NDEL1: variants seen among roughly 807,000 people sequenced by gnomAD.
NDEL1 encodes the protein nuclear distribution protein nudE-like 1.
In NDEL1, 9 loss-of-function variants were observed where a neutral mutation model predicts 45.7. The observed-to-expected ratio is 0.20, with a 90% CI of 0.12 to 0.34. The LOEUF is 0.34. Ranked by LOEUF, NDEL1 falls within the 10% of genes least tolerant of loss-of-function variation. NDEL1 has a pLI of 1.00. For missense variants in NDEL1, 306 were observed against 406.2 expected, an observed-to-expected ratio of 0.75 and a Z score of 2.12; for synonymous variants, 133 against 158.6, an observed-to-expected ratio of 0.84 and a Z score of 1.21.
chr17:8,471,272 TC>T (rs1373351451), downstream of NDEL1, among the ~76,000 whole-genome samples: 5 of 152,368 alleles, frequency 3.3e-5, no homozygotes, highest in East Asian at 7.7e-4. Context: ...TGCCTCAGCC[TC>T]CCAAGTAGCT....
At chr17:8,472,932 ATCT>A (rs1300679123), downstream of NDEL1, among the ~76,000 whole-genome samples, 2 of 152,148 alleles carry the variant, frequency 1.3e-5, no homozygotes, top group East Asian at 1.9e-4. Context: ...GACCAGCTTG[ATCT>A]TCTGATACAC....
At chr17:8,440,836 A>G (rs560517288) in intron 1 of NDEL1, among the ~76,000 whole-genome samples, 1 of 152,354 alleles carries the variant, frequency 6.6e-6, no homozygotes, top group East Asian at 1.9e-4. Flanking sequence ...AACTGCTAGT[A>G]TGTCCTCTGA....
intron 3 of NDEL1, 89 bp from the exon 4 acceptor site, chr17:8,446,665 T>A: frequency 7.9e-7 from 1 of 1,265,576 alleles, no homozygotes; most frequent in African/African-American, 2.7e-5. Flanking sequence ...ATTCCTTGGG[T>A]TCCCCCCCAC....
intron 1 of NDEL1, among the ~76,000 whole-genome samples, chr17:8,427,271 AAAT>A (rs1908860029): frequency 6.6e-6 from 1 of 152,176 alleles, no homozygotes; most frequent in Non-Finnish European, 1.5e-5. Flanking sequence ...TAAAGACAAC[AAAT>A]AGAACCTTCT....
rs757219159 is a variant in NDEL1 at position 8,467,170 on chromosome 17, A to G, written c.*147A>G. Reference sequence around the variant, plus strand: ...GGGCAGGCTGCATGCAGTGGCGGCTACTGGGCCCTGCCCAGCCCCGGAACT... The same window carrying G: ...GGGCAGGCTGCATGCAGTGGCGGCTGCTGGGCCCTGCCCAGCCCCGGAACT... On this transcript the variant is annotated 3_prime_UTR_variant, in exon 9 of 9. Transcript: ENST00000334527. The surrounding 1 kb of genome is among the most constrained non-coding windows in gnomAD (Gnocchi z 6.3). 7.9e-5 allele frequency: 58 copies of G among 732,356 alleles called. 1 individual carries two copies. The East Asian group carries it at 1.3e-3, about 17-fold the overall frequency. The allele number at this position is 732,356 out of a possible 1,614,324, so 45.4% of individuals were successfully genotyped here.
chr17:8,440,283 C>T (rs1430086859), intron 1 of NDEL1, among the ~76,000 whole-genome samples: 4 of 151,910 alleles, frequency 2.6e-5, no homozygotes, highest in South Asian at 2.1e-4. Context: ...TTTGGGAGGC[C>T]GAGGAGGGCA....
At chr17:8,470,802 C>T (rs887709786), downstream of NDEL1, among the ~76,000 whole-genome samples, 2 of 152,184 alleles carry the variant, frequency 1.3e-5, no homozygotes, top group African/African-American at 2.4e-5. The surrounding 1 kb of genome is among the most constrained non-coding windows in gnomAD (Gnocchi z 4.2). Flanking sequence ...AAATGACGAG[C>T]GGCGGGGCCG....
intron 1 of NDEL1, among the ~76,000 whole-genome samples, chr17:8,438,925 G>T (rs1264688055): frequency 1.4e-5 from 2 of 146,484 alleles, no homozygotes; most frequent in Non-Finnish European, 3.0e-5. Flanking sequence ...AAAGTAAGAA[G>T]TTTTTGCTTT....
In NDEL1 at chr17:8,467,856, CG is replaced by C. The variant is rs1264625479; in HGVS notation, c.*835del. On this transcript the variant is annotated 3_prime_UTR_variant, in exon 9 of 9. Coordinates refer to ENST00000334527, the MANE Select transcript of NDEL1 (RefSeq NM_030808.5). This position sits in a 1 kb window ranked among gnomAD's most constrained non-coding sequence, Gnocchi z 6.3. ...GTGAGTGGCTGGTTCCAGGGTGGGC[CG>C]GTGCCAGCTCCGGGGTGGACTGAAC... is the stretch of plus-strand genomic sequence containing the variant. 6.5e-6 allele frequency: 1 copy of C among 152,726 alleles called. No homozygotes were observed. The highest frequency in any genetic ancestry group is 6.5e-5 in the Admixed American group (1 of 15,290). 9.5% of individuals were successfully genotyped at this position (152,726 alleles called of 1,614,324 possible). A position where few individuals can be genotyped will look rare whatever the true frequency, so the allele number is the denominator to read the frequency against.
upstream of NDEL1, chr17:8,435,712 C>T (rs879286222): frequency 2.9e-4 from 96 of 332,150 alleles, 1 homozygote; most frequent in Admixed American, 3.8e-3. Flanking sequence ...AGCGCCTGCG[C>T]AAGAGGACGC....
intron 1 of NDEL1, among the ~76,000 whole-genome samples, chr17:8,443,582 A>G (rs1404960885): frequency 6.6e-6 from 1 of 151,916 alleles, no homozygotes; most frequent in African/African-American, 2.4e-5. Context: ...ATCAGTTGGG[A>G]GTTGTAGGTA....
intron 1 of NDEL1, among the ~76,000 whole-genome samples, chr17:8,442,622 A>G (rs895021342): frequency 7.3e-5 from 11 of 151,060 alleles, no homozygotes; most frequent in East Asian, 2.0e-4. Flanking sequence ...TCAAATATTT[A>G]TTGAACTTCC....
At chr17:8,428,335 T>G (rs1307385977) in intron 1 of NDEL1, among the ~76,000 whole-genome samples, 6 of 87,974 alleles carry the variant, frequency 6.8e-5, no homozygotes, top group Admixed American at 1.3e-4. Context: ...TGTGTGTGTG[T>G]GTGTGTGTGT....
chr17:8,471,283 TG>T (rs1168415191), downstream of NDEL1, among the ~76,000 whole-genome samples: 4 of 152,250 alleles, frequency 2.6e-5, no homozygotes, highest in Non-Finnish European at 4.4e-5. Flanking sequence ...CCCAAGTAGC[TG>T]GGATTACAGG....
At chr17:8,466,621 A>T (rs1049463941) in intron 8 of NDEL1, 2 of 324,290 alleles carry the variant, frequency 6.2e-6, no homozygotes, top group Non-Finnish European at 1.1e-5. Context: ...TTATTTATTT[A>T]ACTAGTTCCC....
intron 1 of NDEL1, among the ~76,000 whole-genome samples, chr17:8,426,423 A>G (rs1018850172): frequency 6.6e-6 from 1 of 152,224 alleles, no homozygotes; most frequent in African/African-American, 2.4e-5. Context: ...CCTTGTCTGT[A>G]TAAAGGTATG....
chr17:8,452,740 CTTTT>C, intron 6 of NDEL1, among the ~76,000 whole-genome samples: 2 of 95,628 alleles, frequency 2.1e-5, no homozygotes, highest in Non-Finnish European at 4.0e-5. Flanking sequence ...TTTTTCTTCT[CTTTT>C]TTTTTTTTTT....
At chr17:8,444,955 GT>G in intron 2 of NDEL1, 1 of 152,262 alleles carries the variant, frequency 6.6e-6, no homozygotes, top group African/African-American at 2.4e-5. Context: ...GGTTAACAGA[GT>G]TTACTAAGTC....
upstream of NDEL1, among the ~76,000 whole-genome samples, chr17:8,433,288 G>A (rs1232578160): frequency 6.6e-6 from 1 of 152,174 alleles, no homozygotes; most frequent in East Asian, 1.9e-4. Context: ...CTGTGGTGCT[G>A]GCTATTGTTT....
Sources: allele counts gnomAD v4.1 joint callset (sites outside exome capture counted in the v4.1 genomes callset), GRCh38; gene constraint gnomAD v4.1.1; non-coding constraint Gnocchi (gnomAD v3.1); transcripts MANE v1.5; gene names NCBI Gene and HGNC (gene_info 2026-07-23, HGNC 2026-07-21).